The following SLC35F6 variants were observed in gnomAD, a reference collection of about 807,000 sequenced individuals.
SLC35F6 encodes the protein solute carrier family 35 member F6.
SLC35F6 carries 26 observed loss-of-function variants against 29.4 expected under a neutral mutation model. The ratio of observed to expected loss-of-function variants is 0.89; its 90% CI spans 0.65 to 1.23. The LOEUF is 1.23. SLC35F6 is among the 50% of genes most tolerant of loss of function. SLC35F6 has a pLI of 0.00. For missense variants in SLC35F6, 428 were observed against 487.8 expected, an observed-to-expected ratio of 0.88 and a Z score of 1.15; for synonymous variants, 174 against 206.6, an observed-to-expected ratio of 0.84 and a Z score of 1.35.
In SLC35F6 at chr2:26,778,186, T is replaced by A. The variant is rs780521211; in HGVS notation, c.791T>A (p.Val264Glu). The A allele has an allele frequency of 4.3e-6, 7 of 1,614,192 alleles. No homozygotes were observed. In the South Asian group the frequency reaches 5.5e-5, roughly 13 times the overall value. ...GTGGGCCAGCAGCCGCTCATTGCCG[T>A]GGCACTGCTGGGCAACATCAGCAGC... is the stretch of plus-strand genomic sequence containing the variant. ...CQVGQQPLIA[V>E]ALLGNISSIA... The change falls in exon 6 of 6, where the codon GTG becomes GAG. Residue 264 changes from valine to glutamate, a missense_variant. By Grantham distance (121) the Val-to-Glu change is moderately radical. Transcript: ENST00000344420.
Position 26,764,322 on chromosome 2 carries a change from A to G in SLC35F6, c.-28A>G, listed in dbSNP as rs564210723. The G allele has an allele frequency of 1.9e-6, 3 of 1,548,514 alleles. No individual in the cohort carries two copies. The highest frequency in any genetic ancestry group is 4.9e-5 in the East Asian group (2 of 40,670). ...CGGGTGACGGGGCCCGGCGCCGCTA[A>G]CTGGAGCGAACCCCAGCGTCCGCCG... On this transcript the variant is annotated 5_prime_UTR_variant, in exon 1 of 6. Coordinates refer to ENST00000344420, the MANE Select transcript of SLC35F6 (RefSeq NM_017877.4).
chr2:26,774,262 A>G lies in SLC35F6; in HGVS notation c.89A>G (p.Asn30Ser), dbSNP rs751349829. 1.9e-6 allele frequency: 3 copies of G among 1,613,980 alleles called. No homozygotes were observed. The highest frequency in any genetic ancestry group is 2.5e-6 in the Non-Finnish European group (3 of 1,179,950). The change falls in exon 2 of 6, where the codon AAT becomes AGT. Residue 30 changes from asparagine to serine, a missense_variant. Transcript: ENST00000344420. Reference sequence around the variant, plus strand: ...TCTCTCTCCTACAGATGGGCGGACAATTTCATGGCCGAGGGCTGTGGAGGG... The same window carrying G: ...TCTCTCTCCTACAGATGGGCGGACAGTTTCATGGCCGAGGGCTGTGGAGGG... ...INTLSAKWADNFMAEGCGGSK... is the reference protein window; with the variant it reads ...INTLSAKWADSFMAEGCGGSK...
chr2:26,772,547 G>T (rs2148057048), intron 1 of SLC35F6, among the ~76,000 whole-genome samples: 1 of 152,280 alleles, frequency 6.6e-6, no homozygotes, highest in Non-Finnish European at 1.5e-5. Flanking sequence ...CGAACCCAGG[G>T]TGTCAACATG....
At position 26,776,269 on chromosome 2, in the gene SLC35F6, T is replaced by C. The variant is rs148842377; in HGVS notation, c.536-103T>C. On this transcript the variant is annotated intron_variant, in intron 4 of 5. Coordinates refer to ENST00000344420, the MANE Select transcript of SLC35F6 (RefSeq NM_017877.4). ...TGTGCCTATGAACTATAGGGGGCCC[T>C]GCAGAGGTCAGGGGCTGGCATGTTT... The C allele has an allele frequency of 2.3e-3, 2,326 of 990,358 alleles. 48 individuals are homozygous for C. In the African/African-American group the frequency reaches 0.034, roughly 14 times the overall value. 61.3% of individuals were successfully genotyped at this position (990,358 alleles called of 1,614,324 possible). A position where few individuals can be genotyped will look rare whatever the true frequency, so the allele number is the denominator to read the frequency against.
chr2:26,774,972 T>TA (rs1664270667), intron 2 of SLC35F6, 72 bp from the exon 3 acceptor site: 142 of 1,466,604 alleles, frequency 9.7e-5, no homozygotes, highest in South Asian at 3.3e-4. Flanking sequence ...AAGTTTGCAT[T>TA]AAAAAAAATA....
chr2:26,774,959 C>T, intron 2 of SLC35F6, 85 bp from the exon 3 acceptor site: 1 of 1,443,270 alleles, frequency 6.9e-7, no homozygotes, highest in Non-Finnish European at 9.2e-7. Flanking sequence ...TCTTGTTTGA[C>T]AAAAGTTTGC....
rs1275171591 is a variant in SLC35F6, at chr2:26,764,444, C to T, written c.77+18C>T. 3.9e-6 allele frequency: 6 copies of T among 1,550,798 alleles called. No homozygotes were observed. Among genetic ancestry groups the T allele is most frequent in the Non-Finnish European group, 5.2e-6 (6 of 1,146,804 alleles). The stretch of plus-strand genomic sequence containing the variant: ...TCGGCAAAGTGAGTCTGGGCCCTGC[C>T]GGGCGTGCGGGCCCTGGCGACCCCG... On this transcript the variant is annotated intron_variant, in intron 1 of 5. Transcript: ENST00000344420.
In SLC35F6 at chr2:26,781,084, C is replaced by T. The variant is rs1391151297; in HGVS notation, c.*2573C>T. ...GAGACTACAGCTGCCTTGTCTAAAA[C>T]CTGGGATCTTAAAAGTGTTATTTTG... On this transcript the variant is annotated 3_prime_UTR_variant, in exon 6 of 6. Coordinates refer to ENST00000344420, the MANE Select transcript of SLC35F6 (RefSeq NM_017877.4). 1.3e-5 allele frequency: 2 copies of T among 151,996 alleles called. No individual in the cohort carries two copies. Among genetic ancestry groups the T allele is most frequent in the Non-Finnish European group, 2.9e-5 (2 of 68,012 alleles). The allele number at this position is 151,996 out of a possible 1,614,324, so 9.4% of individuals were successfully genotyped here.
chr2:26,774,201 C>T (rs564506232), intron 1 of SLC35F6, 50 bp from the exon 2 acceptor site: 3 of 1,608,352 alleles, frequency 1.9e-6, no homozygotes, highest in African/African-American at 1.3e-5. Flanking sequence ...TCTTCACTAG[C>T]ACCAGGGTAG....
At position 26,775,407 on chromosome 2, in the gene SLC35F6, A is replaced by T; in HGVS notation, c.323-57A>T. The T allele has an allele frequency of 6.3e-7, 1 of 1,582,218 alleles. No homozygotes were observed. The highest frequency in any genetic ancestry group is 2.2e-5 in the East Asian group (1 of 44,578). ...GCATGTCTATCACCAAAGACCCCTT[A>T]GTGACAGATGGCCTTCGCCTTGGGA... On this transcript the variant is annotated intron_variant, in intron 3 of 5. Coordinates refer to ENST00000344420, the MANE Select transcript of SLC35F6 (RefSeq NM_017877.4). The surrounding 1 kb of genome is among the most constrained non-coding windows in gnomAD (Gnocchi z 4.6).
In SLC35F6 at chr2:26,774,288, A is replaced by G; in HGVS notation, c.115A>G (p.Ser39Gly). 1 of 1,614,090 alleles carries G rather than the reference A, an allele frequency of 6.2e-7. No homozygotes were observed. The highest frequency in any genetic ancestry group is 8.5e-7 in the Non-Finnish European group (1 of 1,180,014). The part of the protein sequence containing the change: ...DNFMAEGCGG[S>G]KEHSFQHPFL... ...TTTCATGGCCGAGGGCTGTGGAGGG[A>G]GCAAGGAGCACAGCTTCCAGCATCC... Residue 39 changes from serine to glycine, a missense_variant, in exon 2 of 6, where the codon AGC becomes GGC. Transcript: ENST00000344420.
At position 26,778,721 on chromosome 2, in the gene SLC35F6, C is replaced by A. The variant is rs1411813500; in HGVS notation, c.*210C>A. The A allele has an allele frequency of 7.0e-6, 4 of 573,546 alleles. No homozygotes were observed. In the South Asian group the frequency reaches 7.6e-5, roughly 11 times the overall value. The allele number at this position is 573,546 out of a possible 1,614,324, so 35.5% of individuals were successfully genotyped here. ...CTGCAGGGTGGTGTTACCCAGCCCC[C>A]ACAAGCCTGAGTGCAGTGGCAGACC... On this transcript the variant is annotated 3_prime_UTR_variant, in exon 6 of 6. Transcript: ENST00000344420.
chr2:26,770,729 CAA>C (rs1664182701), intron 1 of SLC35F6, among the ~76,000 whole-genome samples: 1 of 151,476 alleles, frequency 6.6e-6, no homozygotes, highest in African/African-American at 2.4e-5. Context: ...AAAAAAAAAA[CAA>C]GAACAAAAAC....
intron 1 of SLC35F6, among the ~76,000 whole-genome samples, chr2:26,768,098 G>C (rs1047796663): frequency 2.0e-5 from 3 of 152,218 alleles, no homozygotes; most frequent in African/African-American, 7.2e-5. Context: ...CAGCTCCAAT[G>C]TTTGCCCTTG....
Position 26,775,097 on chromosome 2 carries a change from C to A in SLC35F6, c.204C>A (p.Leu68=). The A allele has an allele frequency of 6.2e-7, 1 of 1,614,152 alleles. No homozygotes were observed. Among genetic ancestry groups the A allele is most frequent in the Non-Finnish European group, 8.5e-7 (1 of 1,180,016 alleles). ...EFSCLAAFYL[L]RCRAAGQSDS... ...CCTGCCTGGCTGCCTTCTACCTCCT[C>A]CGATGCAGAGCTGCAGGGCAATCAG... The change falls in exon 3 of 6, where the codon CTC becomes CTA. Residue 68 remains leucine (L), a synonymous_variant. Transcript: ENST00000344420. The surrounding 1 kb of genome is among the most constrained non-coding windows in gnomAD (Gnocchi z 4.6).
rs952515897 is a variant in SLC35F6 at position 26,775,433 on chromosome 2, A to G, written c.323-31A>G. On this transcript the variant is annotated intron_variant, in intron 3 of 5. Coordinates refer to ENST00000344420, the MANE Select transcript of SLC35F6 (RefSeq NM_017877.4). The surrounding 1 kb of genome is among the most constrained non-coding windows in gnomAD (Gnocchi z 4.6). Reference sequence around the variant, plus strand: ...GTGACAGATGGCCTTCGCCTTGGGAAGCTAACTGTAATTTGTTTCTCCTTT... The same window carrying G: ...GTGACAGATGGCCTTCGCCTTGGGAGGCTAACTGTAATTTGTTTCTCCTTT... 26 of 1,605,244 alleles carry G rather than the reference A, an allele frequency of 1.6e-5. No homozygotes were observed. The highest frequency in any genetic ancestry group is 2.1e-5 in the Non-Finnish European group (25 of 1,175,426).
At chr2:26,772,956 G>T (rs1167238058) in intron 1 of SLC35F6, among the ~76,000 whole-genome samples, 3 of 152,130 alleles carry the variant, frequency 2.0e-5, no homozygotes, top group Non-Finnish European at 2.9e-5. Flanking sequence ...CATCTGCCGG[G>T]TGCTGACTGG....
chr2:26,776,404 G>A lies in SLC35F6; in HGVS notation c.568G>A (p.Val190Ile), dbSNP rs201991218. 1.4e-5 allele frequency: 22 copies of A among 1,614,074 alleles called. No individual in the cohort carries two copies. In the Middle Eastern group the frequency reaches 4.9e-4, roughly 36 times the overall value. The change falls in exon 5 of 6, where the codon GTT (valine) becomes ATT (isoleucine). Residue 190 changes from valine (V) to isoleucine (I), a missense_variant. Transcript: ENST00000344420. The part of the protein sequence containing the change: ...DLLIIMAQII[V>I]AIQMVLEEKF... Reference sequence around the variant, plus strand: ...GTTGATCATCATGGCCCAGATCATCGTTGCCATCCAGATGGTGCTAGAGGA... The same window carrying A: ...GTTGATCATCATGGCCCAGATCATCATTGCCATCCAGATGGTGCTAGAGGA...
At position 26,778,432 on chromosome 2, in the gene SLC35F6, G is replaced by T. The variant is rs1273344529; in HGVS notation, c.1037G>T (p.Arg346Met). 1 of 1,614,032 alleles carries T rather than the reference G, an allele frequency of 6.2e-7. No individual in the cohort carries two copies. Among genetic ancestry groups the T allele is most frequent in the Non-Finnish European group, 8.5e-7 (1 of 1,180,008 alleles). ...LHRPLLGRLSRGRPLAEESEQ... is the reference protein window; with the variant it reads ...LHRPLLGRLSMGRPLAEESEQ... Reference sequence around the variant, plus strand: ...CGTCCGCTGCTGGGCCGCCTGTCCAGGGGCCGGCCCCTGGCAGAGGAGAGC... The same window carrying T: ...CGTCCGCTGCTGGGCCGCCTGTCCATGGGCCGGCCCCTGGCAGAGGAGAGC... Residue 346 changes from arginine (R) to methionine (M), a missense_variant, in exon 6 of 6, where the codon AGG becomes ATG. Transcript: ENST00000344420.
Sources: gnomAD v4.1 joint callset for allele counts (sites outside exome capture counted in the v4.1 genomes callset) on GRCh38, gnomAD v4.1.1 for gene constraint, Gnocchi (gnomAD v3.1) non-coding constraint, MANE v1.5 for transcripts, NCBI Gene and HGNC (gene_info 2026-07-23, HGNC 2026-07-21) for gene names.